Variants in MPP3 observed in about 807,000 individuals in gnomAD.
MPP3 encodes the protein MAGUK p55 subfamily member 3.
In MPP3, 48 loss-of-function variants were observed where a neutral mutation model predicts 80.7. The ratio of observed to expected loss-of-function variants is 0.59; its 90% CI spans 0.47 to 0.76. The LOEUF (loss-of-function observed/expected upper bound fraction) is 0.76. MPP3 is among the 30% of genes least tolerant of loss of function. The probability of loss-of-function intolerance (pLI) is 0.00; values close to 1 mark genes in which losing one functional copy is unlikely to be tolerated. For missense variants in MPP3, 620 were observed against 763.0 expected (o/e 0.81, Z 2.21); for synonymous variants, 311 against 297.6 (o/e 1.04, Z -0.46).
chr17:43,818,214 G>T, intron 11 of MPP3, 104 bp from the exon 12 acceptor site: 1 of 1,026,512 alleles, frequency 9.7e-7, no homozygotes, highest in Non-Finnish European at 1.4e-6. Context: ...GATCCCACAG[G>T]TGGGCACACA....
Position 43,816,533 on chromosome 17 carries a change from C to G in MPP3, c.967+144G>C, listed in dbSNP as rs1333924080. 8.6e-6 allele frequency: 7 copies of G among 813,218 alleles called. No homozygotes were observed. The East Asian group carries it at 1.9e-4, about 22-fold the overall frequency. The allele number at this position is 813,218 out of a possible 1,614,324, so 50.4% of individuals were successfully genotyped here. On this transcript the variant is annotated intron_variant, in intron 13 of 19. Coordinates refer to ENST00000398389, the MANE Select transcript of MPP3 (RefSeq NM_001932.6). ...TGCCTGCCTCAAGGAACAGCCCAGT[C>G]CAGCTGGCAGAGCAGGAAGAGGTGC...
intron 2 of MPP3, among the ~76,000 whole-genome samples, chr17:43,832,424 T>C (rs978161648): frequency 3.9e-5 from 6 of 152,092 alleles, no homozygotes; most frequent in African/African-American, 1.4e-4. Context: ...ACTACCTGGC[T>C]GGGCCTACAA....
At chr17:43,804,566 A>G (rs768913037) in intron 19 of MPP3, among the ~76,000 whole-genome samples, 9 of 152,256 alleles carry the variant, frequency 5.9e-5, no homozygotes, top group Non-Finnish European at 8.8e-5. Context: ...TCCAAATGTA[A>G]CTGCTACAAC....
rs1433186891 is a variant in MPP3 at position 43,821,064 on chromosome 17, C to T, written c.685-6G>A. ...AAGAGGGCGCGCATGAACACCTGCACAAGGAGGGCTCTGGTGAGGCGGCCC... is the reference window on the plus strand; with the variant it reads ...AAGAGGGCGCGCATGAACACCTGCATAAGGAGGGCTCTGGTGAGGCGGCCC... On this transcript the variant is annotated splice_region_variant and splice_polypyrimidine_tract_variant and intron_variant, in intron 10 of 19. Coordinates refer to ENST00000398389, the MANE Select transcript of MPP3 (RefSeq NM_001932.6). The T allele has an allele frequency of 5.0e-6, 8 of 1,613,256 alleles. No individual in the cohort carries two copies. The Admixed American group carries it at 6.7e-5, about 13-fold the overall frequency.
chr17:43,806,925 A>C (rs1382787482), intron 19 of MPP3, among the ~76,000 whole-genome samples: 1 of 151,876 alleles, frequency 6.6e-6, no homozygotes, highest in African/African-American at 2.4e-5. Context: ...TATGTTTCTA[A>C]ATGATTCTAG....
chr17:43,826,832 T>TA (rs1567824060), intron 8 of MPP3, among the ~76,000 whole-genome samples: 1,686 of 110,720 alleles, frequency 0.015, 19 homozygotes, highest in African/African-American at 0.044. Flanking sequence ...ATATATATAT[T>TA]TTTTTTTTTT....
At position 43,825,786 on chromosome 17, in the gene MPP3, G is replaced by T; in HGVS notation, c.579C>A (p.His193Gln). The stretch of plus-strand genomic sequence containing the variant: ...TCTGGCTGATCTCGTCGGGCCGCTT[G>T]TGCAGGACTGCGATCCCGTTCACTT... ...LREVNGIAVL[H>Q]KRPDEISQIL... The change falls in exon 9 of 20, where the codon CAC (histidine) becomes CAA (glutamine). Residue 193 changes from histidine (H) to glutamine (Q), a missense_variant. His to Gln is a conservative substitution (Grantham distance 24). Coordinates refer to ENST00000398389, the MANE Select transcript of MPP3 (RefSeq NM_001932.6). 1.2e-6 allele frequency: 2 copies of T among 1,613,472 alleles called. No individual in the cohort carries two copies. The highest frequency in any genetic ancestry group is 3.3e-5 in the Admixed American group (2 of 60,028).
chr17:43,801,417 C>A lies in MPP3; in HGVS notation c.*284G>T. 2.7e-6 allele frequency: 1 copy of A among 376,674 alleles called. No individual in the cohort carries two copies. Among genetic ancestry groups the A allele is most frequent in the Non-Finnish European group, 4.8e-6 (1 of 207,354 alleles). 23.3% of individuals were successfully genotyped at this position (376,674 alleles called of 1,614,324 possible). On this transcript the variant is annotated 3_prime_UTR_variant, in exon 20 of 20. Coordinates refer to ENST00000398389, the MANE Select transcript of MPP3 (RefSeq NM_001932.6). ...CCCACAAAAGACAGTGGCTACTTAA[C>A]TTTGGTACAAAGAATCAGGGTCAGC...
At chr17:43,826,072 C>G (rs1445650451) in intron 8 of MPP3, among the ~76,000 whole-genome samples, 1 of 152,244 alleles carries the variant, frequency 6.6e-6, no homozygotes, top group East Asian at 1.9e-4. Flanking sequence ...AAGTTGGCAC[C>G]TGAGACCCAG....
At position 43,816,664 on chromosome 17, in the gene MPP3, A is replaced by C. The variant is rs1164819386; in HGVS notation, c.967+13T>G. On this transcript the variant is annotated intron_variant, in intron 13 of 19. Transcript: ENST00000398389. ...GGCCACGCCTGTGGACAGCGGATAG[A>C]TACTGGGCCTACCTTTGTCACAAGG... 16 of 1,572,244 alleles carry C rather than the reference A, an allele frequency of 1.0e-5. No individual in the cohort carries two copies. The highest frequency in any genetic ancestry group is 1.0e-5 in the Non-Finnish European group (12 of 1,158,086).
intron 7 of MPP3, among the ~76,000 whole-genome samples, chr17:43,828,605 T>A (rs916537583): frequency 6.6e-6 from 1 of 152,238 alleles, no homozygotes; most frequent in Non-Finnish European, 1.5e-5. Flanking sequence ...TCAAGGCACT[T>A]AGTACACAGT....
At chr17:43,815,354 T>C (rs2045064105) in intron 14 of MPP3, among the ~76,000 whole-genome samples, 1 of 151,932 alleles carries the variant, frequency 6.6e-6, no homozygotes, top group African/African-American at 2.4e-5. Context: ...TAAAAAAAGT[T>C]TAAAAACTTT....
intron 9 of MPP3, among the ~76,000 whole-genome samples, chr17:43,824,325 T>G (rs1007339689): frequency 6.6e-6 from 1 of 152,188 alleles, no homozygotes; most frequent in African/African-American, 2.4e-5. Context: ...CACTACGTGT[T>G]GAATTCCAAT....
At chr17:43,823,904 G>C (rs770019026) in intron 10 of MPP3, 27 bp downstream of exon 10, 4 of 1,556,662 alleles carry the variant, frequency 2.6e-6, no homozygotes, top group Non-Finnish European at 3.5e-6. Flanking sequence ...AGCTGAGAGA[G>C]GGCACCGCGG....
At chr17:43,803,588 T>G in intron 19 of MPP3, among the ~76,000 whole-genome samples, 1 of 152,176 alleles carries the variant, frequency 6.6e-6, no homozygotes, top group Non-Finnish European at 1.5e-5. Context: ...AGAGGATGTT[T>G]TGGGTCCCCT....
chr17:43,801,621 G>A lies in MPP3; in HGVS notation c.*80C>T. 7.3e-7 allele frequency: 1 copy of A among 1,365,350 alleles called. No homozygotes were observed. The highest frequency in any genetic ancestry group is 1.0e-6 in the Non-Finnish European group (1 of 966,318). 84.6% of individuals were successfully genotyped at this position (1,365,350 alleles called of 1,614,324 possible). On this transcript the variant is annotated 3_prime_UTR_variant, in exon 20 of 20. Coordinates refer to ENST00000398389, the MANE Select transcript of MPP3 (RefSeq NM_001932.6). ...GAATTCTCTCCCTCTCTGCGCTTGA[G>A]ATTCCTTGATGGTAAAATGAGGGAG...
At position 43,827,842 on chromosome 17, in the gene MPP3, AG is replaced by A; in HGVS notation, c.442-11del. 1 of 1,612,688 alleles carries A rather than the reference AG, an allele frequency of 6.2e-7. No homozygotes were observed. Among genetic ancestry groups the A allele is most frequent in the South Asian group, 1.1e-5 (1 of 91,070 alleles). ...GCCGGATGGTGGCACCCTGAACCCG[AG>A]ACAGAAGAGACAGGTTCTTAAGCAG... is the stretch of plus-strand genomic sequence containing the variant. On this transcript the variant is annotated splice_polypyrimidine_tract_variant and intron_variant, in intron 7 of 19. Transcript: ENST00000398389.
intron 5 of MPP3, 87 bp downstream of exon 5, chr17:43,831,156 TC>T: frequency 2.4e-6 from 3 of 1,229,050 alleles, no homozygotes; most frequent in South Asian, 1.2e-5. Context: ...ATTCCCGGTG[TC>T]CCCACACTAA....
At chr17:43,814,123 C>G (rs750378632) in intron 15 of MPP3, 32 bp from the exon 16 acceptor site, 8 of 1,603,700 alleles carry the variant, frequency 5.0e-6, no homozygotes, top group Middle Eastern at 1.7e-4. Context: ...GACCAGGGTC[C>G]CTGCTGAGCT....
Sources: allele counts gnomAD v4.1 joint callset (sites outside exome capture counted in the v4.1 genomes callset), GRCh38; gene constraint gnomAD v4.1.1; transcripts MANE v1.5; gene names NCBI Gene and HGNC (gene_info 2026-07-23, HGNC 2026-07-21).